DGKB: variants seen among roughly 807,000 people sequenced by gnomAD.
DGKB encodes the protein diacylglycerol kinase beta, also known as 90 kDa diacylglycerol kinase.
A neutral mutation model predicts 114.3 loss-of-function variants in DGKB; 67 were observed. The observed-to-expected ratio is 0.59, with a 90% CI of 0.48 to 0.72. DGKB has a LOEUF of 0.72. DGKB is among the 30% of genes least tolerant of loss of function. The pLI is 0.00. For synonymous variants in DGKB, 398 were observed against 323.1 expected (o/e 1.23, Z -2.49); for missense variants, 907 against 975.2 (o/e 0.93, Z 0.93).
At position 14,836,507 on chromosome 7, in the gene DGKB, A is replaced by G. The variant is rs186509613; in HGVS notation, c.70+4687T>C. On this transcript the variant is annotated intron_variant, in intron 2 of 25. Transcript: ENST00000402815. ...CACATAGAAAATATTGTTATCCATG[A>G]AAAGCCCAGGAGTTTCTTAACCCTT... Among the ~76,000 whole-genome samples, 7 of 152,250 alleles carry G rather than the reference A, an allele frequency of 4.6e-5. No homozygotes were observed. The East Asian group carries it at 1.4e-3, about 29-fold the overall frequency.
intron 2 of DGKB, 95 bp downstream of exon 2, chr7:14,841,099 T>A (rs1428569350): frequency 3.5e-6 from 4 of 1,135,636 alleles, no homozygotes; most frequent in Middle Eastern, 2.3e-4. Context: ...TCTATCCCCA[T>A]GAAGAACAGG....
At chr7:14,191,983 T>G (rs1405496443) in intron 23 of DGKB, 15 of 615,470 alleles carry the variant, frequency 2.4e-5, no homozygotes, top group Non-Finnish European at 4.2e-5. Context: ...ATATGGTTCC[T>G]GGCAAGCTCC....
intron 2 of DGKB, among the ~76,000 whole-genome samples, chr7:14,838,912 A>G (rs146957685): frequency 6.6e-5 from 10 of 152,160 alleles, no homozygotes; most frequent in African/African-American, 2.4e-4. Flanking sequence ...CCTTCCTCAA[A>G]TTTATGCCAA....
chr7:14,594,416 A>G (rs962094607), intron 17 of DGKB, among the ~76,000 whole-genome samples: 1 of 152,126 alleles, frequency 6.6e-6, no homozygotes, highest in Non-Finnish European at 1.5e-5. Flanking sequence ...TAGAGAATTG[A>G]CAGACAATTC....
At chr7:14,158,750 A>G (rs1783418956) in intron 25 of DGKB, among the ~76,000 whole-genome samples, 1 of 152,184 alleles carries the variant, frequency 6.6e-6, no homozygotes, top group Non-Finnish European at 1.5e-5. Context: ...GTACTGGATT[A>G]GAGAGGAAAC....
At chr7:14,924,539 A>T (rs1013877607) in intron 1 of DGKB, among the ~76,000 whole-genome samples, 1 of 152,164 alleles carries the variant, frequency 6.6e-6, no homozygotes, top group South Asian at 2.1e-4. Flanking sequence ...CCTGAAACTC[A>T]TATTTTTCCT....
intron 20 of DGKB, among the ~76,000 whole-genome samples, chr7:14,535,874 T>C (rs751060407): frequency 1.3e-5 from 2 of 152,108 alleles, no homozygotes; most frequent in African/African-American, 2.4e-5. Context: ...CATGAGCCAC[T>C]GCACCTGGCC....
intron 1 of DGKB, among the ~76,000 whole-genome samples, chr7:14,899,640 C>T (rs1305816041): frequency 6.6e-6 from 1 of 152,076 alleles, no homozygotes; most frequent in Admixed American, 6.6e-5. Context: ...GGAAATGTCC[C>T]CATGTTCATT....
intron 4 of DGKB, chr7:14,750,018 C>G (rs12673261): frequency 0.1 from 46,866 of 457,660 alleles, 3,092 homozygotes; most frequent in East Asian, 0.25. Flanking sequence ...TTATGTAACA[C>G]TATCCAAATG....
At chr7:14,586,494 T>C (rs752694596) in intron 17 of DGKB, among the ~76,000 whole-genome samples, 8 of 152,110 alleles carry the variant, frequency 5.3e-5, no homozygotes, top group Non-Finnish European at 8.8e-5. Context: ...ATCCAGAAGA[T>C]CTAGCTACAA....
At position 14,460,487 on chromosome 7, in the gene DGKB, A is replaced by C. The variant is rs554346368; in HGVS notation, c.1835+17674T>G. Among the ~76,000 whole-genome samples the C allele has an allele frequency of 1.5e-4, 23 of 152,288 alleles. No homozygotes were observed. The South Asian group carries it at 4.8e-3, about 32-fold the overall frequency. ...CTGATAAAACAGACTTTAAATCAACAAAGATAAAAAAAGACAAAGAAGGGC... is the reference window on the plus strand; with the variant it reads ...CTGATAAAACAGACTTTAAATCAACCAAGATAAAAAAAGACAAAGAAGGGC... On this transcript the variant is annotated intron_variant, in intron 21 of 25. Coordinates refer to ENST00000402815, the MANE Select transcript of DGKB (RefSeq NM_001350709.2).
chr7:14,914,420 T>G (rs546927739), intron 1 of DGKB, among the ~76,000 whole-genome samples: 1 of 152,164 alleles, frequency 6.6e-6, no homozygotes, highest in African/African-American at 2.4e-5. Flanking sequence ...AAGAAGAAGT[T>G]CTTTGGGAAA....
chr7:14,221,454 A>G (rs1460351779), intron 23 of DGKB, among the ~76,000 whole-genome samples: 1 of 151,186 alleles, frequency 6.6e-6, no homozygotes, highest in Non-Finnish European at 1.5e-5. Flanking sequence ...TTTTTATTCT[A>G]TTGCTATAGT....
intron 5 of DGKB, among the ~76,000 whole-genome samples, chr7:14,722,331 G>C (rs1829310070): frequency 6.6e-6 from 1 of 152,174 alleles, no homozygotes; most frequent in East Asian, 1.9e-4. Flanking sequence ...TAGTGTCATA[G>C]AGCTGAAATC....
chr7:14,551,394 G>A (rs1435714555), intron 20 of DGKB, among the ~76,000 whole-genome samples: 1 of 152,136 alleles, frequency 6.6e-6, no homozygotes, highest in Non-Finnish European at 1.5e-5. Flanking sequence ...TTTGTTTCTG[G>A]ATATGTTCTA....
rs570966030 is a variant in DGKB at position 14,629,202 on chromosome 7, C to T, written c.1167+1034G>A. Among the ~76,000 whole-genome samples the T allele has an allele frequency of 2.6e-5, 4 of 152,064 alleles. No homozygotes were observed. The South Asian group carries it at 8.3e-4, about 32-fold the overall frequency. On this transcript the variant is annotated intron_variant, in intron 14 of 25. Transcript: ENST00000402815. ...ATAAACTGTCCTAATACTTTTGTCA[C>T]TTGAGTGTGTAATTTAGCATCTCTA... is the stretch of plus-strand genomic sequence containing the variant.
chr7:14,833,685 A>G (rs1254582915), intron 2 of DGKB, among the ~76,000 whole-genome samples: 2 of 152,112 alleles, frequency 1.3e-5, no homozygotes, highest in Non-Finnish European at 2.9e-5. Flanking sequence ...GCCCATGTAC[A>G]CACATGCATG....
intron 1 of DGKB, among the ~76,000 whole-genome samples, chr7:14,914,735 T>A (rs1330101468): frequency 1.3e-5 from 2 of 152,130 alleles, no homozygotes; most frequent in East Asian, 3.8e-4. Context: ...AGGATTAATA[T>A]GTTAAAGGAT....
At position 14,574,207 on chromosome 7, in the gene DGKB, C is replaced by A; in HGVS notation, c.1770+5G>T. The A allele has an allele frequency of 6.2e-7, 1 of 1,610,332 alleles. No individual in the cohort carries two copies. Among genetic ancestry groups the A allele is most frequent in the Non-Finnish European group, 8.5e-7 (1 of 1,178,258 alleles). On this transcript the variant is annotated splice_donor_5th_base_variant and intron_variant, in intron 20 of 25. Coordinates refer to ENST00000402815, the MANE Select transcript of DGKB (RefSeq NM_001350709.2). ...ACAAAGGTAAAATTTAGTGGAGAAT[C>A]TTACCACGCCAATGGAAAAGTAATT...
Sources: gnomAD v4.1 joint callset for allele counts (sites outside exome capture counted in the v4.1 genomes callset) on GRCh38, gnomAD v4.1.1 for gene constraint, MANE v1.5 for transcripts, NCBI Gene and HGNC (gene_info 2026-07-23, HGNC 2026-07-21) for gene names.